OPRL1: variants seen among roughly 807,000 people sequenced by gnomAD.
OPRL1 encodes nociceptin receptor.
OPRL1 carries 5 observed loss-of-function variants against 15.5 expected under a neutral mutation model. That is an observed-to-expected ratio of 0.32 (90% CI 0.17 to 0.68). The LOEUF is 0.68. OPRL1 is among the 30% of genes least tolerant of loss of function. The pLI, the probability that OPRL1 is intolerant of heterozygous loss-of-function variation, is 0.72. For synonymous variants in OPRL1, 223 were observed against 230.2 expected (o/e 0.97, Z 0.28); for missense variants, 406 against 515.3 (o/e 0.79, Z 2.05).
chr20:64,099,472 C>T lies in OPRL1; in HGVS notation c.*673C>T, dbSNP rs1979582062. On this transcript the variant is annotated 3_prime_UTR_variant, in exon 5 of 5. Transcript: ENST00000336866. ...AGTGTCCAGGTGGGGGCTGGCAGTC[C>T]CTGGCTGCAGACCCCGAGCTGGCCC... 6.6e-6 allele frequency: 1 copy of T among 152,510 alleles called. No homozygotes were observed. The highest frequency in any genetic ancestry group is 6.5e-5 in the Admixed American group (1 of 15,296). 9.4% of individuals were successfully genotyped at this position (152,510 alleles called of 1,614,324 possible). A position where few individuals can be genotyped will look rare whatever the true frequency, so the allele number is the denominator to read the frequency against.
chr20:64,096,048 G>A (rs988172498), intron 3 of OPRL1, among the ~76,000 whole-genome samples: 3 of 152,134 alleles, frequency 2.0e-5, no homozygotes, highest in African/African-American at 4.8e-5. Context: ...AGGTTGCCTC[G>A]TGATGTGCAT....
chr20:64,088,613 GAGTGGCCA>G, intron 1 of OPRL1, among the ~76,000 whole-genome samples: 1 of 151,416 alleles, frequency 6.6e-6, no homozygotes, highest in Middle Eastern at 3.4e-3. Flanking sequence ...GATCTGTGCA[GAGTGGCCA>G]GGATCTGTGC....
At chr20:64,092,626 G>A (rs1601641473) in intron 2 of OPRL1, 62 bp from the exon 3 acceptor site, 6 of 1,351,260 alleles carry the variant, frequency 4.4e-6, no homozygotes, top group Non-Finnish European at 6.2e-6. Flanking sequence ...GTGCTGGGTT[G>A]TGAGGCCTCC....
intron 1 of OPRL1, among the ~76,000 whole-genome samples, chr20:64,086,878 G>A (rs1426266863): frequency 6.6e-6 from 1 of 152,184 alleles, no homozygotes; most frequent in Non-Finnish European, 1.5e-5. Flanking sequence ...TGAGCCTGTG[G>A]AAGGAGGAGG....
chr20:64,095,963 A>C (rs546700633), intron 3 of OPRL1, among the ~76,000 whole-genome samples: 2 of 152,160 alleles, frequency 1.3e-5, no homozygotes, highest in African/African-American at 4.8e-5. Context: ...TGTGCAGGTG[A>C]TGCGTGGTCA....
chr20:64,092,706 T>C lies in OPRL1; in HGVS notation c.-15T>C, dbSNP rs1978344381. ...GTCCCAGGTACCGTACAGAGTGGAT[T>C]TGCAGGGCAGTGGCATGGAGCCCCT... On this transcript the variant is annotated 5_prime_UTR_variant, in exon 3 of 5. Transcript: ENST00000336866. The C allele has an allele frequency of 1.9e-6, 3 of 1,609,960 alleles. No individual in the cohort carries two copies. The highest frequency in any genetic ancestry group is 2.5e-6 in the Non-Finnish European group (3 of 1,178,204).
chr20:64,081,937 C>G (rs1474564940), intron 1 of OPRL1, among the ~76,000 whole-genome samples: 2 of 152,176 alleles, frequency 1.3e-5, no homozygotes, highest in Non-Finnish European at 2.9e-5. Context: ...AGTGACCCAT[C>G]CCCTTTGGAG....
chr20:64,098,831 G>A lies in OPRL1; in HGVS notation c.*32G>A. 6.4e-7 allele frequency: 1 copy of A among 1,558,570 alleles called. No homozygotes were observed. Among genetic ancestry groups the A allele is most frequent in the Non-Finnish European group, 8.6e-7 (1 of 1,158,286 alleles). Reference sequence around the variant, plus strand: ...GTGGACCTGCCCATGGTGCCTGTCAGCCCGCAGAGCCCATCTACGCCCAAC... The same window carrying A: ...GTGGACCTGCCCATGGTGCCTGTCAACCCGCAGAGCCCATCTACGCCCAAC... On this transcript the variant is annotated 3_prime_UTR_variant, in exon 5 of 5. Coordinates refer to ENST00000336866, the MANE Select transcript of OPRL1 (RefSeq NM_182647.4).
rs2059996269 is a variant in OPRL1 at position 64,083,595 on chromosome 20, C to T, written c.-185+3243C>T. 4 of 1,493,138 alleles carry T rather than the reference C, an allele frequency of 2.7e-6. No homozygotes were observed. Among genetic ancestry groups the T allele is most frequent in the Non-Finnish European group, 3.6e-6 (4 of 1,121,588 alleles). The allele number at this position is 1,493,138 out of a possible 1,614,324, so 92.5% of individuals were successfully genotyped here. On this transcript the variant is annotated intron_variant, in intron 1 of 4. Transcript: ENST00000336866. The surrounding 1 kb of genome is among the most constrained non-coding windows in gnomAD (Gnocchi z 4.9). ...GGCTTGTCTGCACCTCTTGGCGGTCCAGGGGGTCCGGGATCCGCGCGGGCT... is the reference window on the plus strand; with the variant it reads ...GGCTTGTCTGCACCTCTTGGCGGTCTAGGGGGTCCGGGATCCGCGCGGGCT...
In OPRL1 at chr20:64,083,279, G is replaced by A; in HGVS notation, c.-185+2927G>A. ...TTTTTTGGGAGAGGCCCCACTCTCT[G>A]TACCCTGATGTCTGTGAGGTGCATG... On this transcript the variant is annotated intron_variant, in intron 1 of 4. Coordinates refer to ENST00000336866, the MANE Select transcript of OPRL1 (RefSeq NM_182647.4). This position sits in a 1 kb window ranked among gnomAD's most constrained non-coding sequence, Gnocchi z 4.9. The A allele has an allele frequency of 2.7e-6, 3 of 1,128,254 alleles. No homozygotes were observed. The South Asian group carries it at 4.4e-5, about 17-fold the overall frequency. The allele number at this position is 1,128,254 out of a possible 1,614,324, so 69.9% of individuals were successfully genotyped here.
At chr20:64,088,639 C>G (rs1601634366) in intron 1 of OPRL1, among the ~76,000 whole-genome samples, 19 of 150,620 alleles carry the variant, frequency 1.3e-4, no homozygotes, top group East Asian at 1.0e-3. Flanking sequence ...TGCAGAGTGG[C>G]CAGGATCTGT....
chr20:64,099,054 G>A lies in OPRL1; in HGVS notation c.*255G>A, dbSNP rs1192296308. On this transcript the variant is annotated 3_prime_UTR_variant, in exon 5 of 5. Coordinates refer to ENST00000336866, the MANE Select transcript of OPRL1 (RefSeq NM_182647.4). ...ACTAAAGCTGCCCTCCTGGTGCAGG[G>A]CCGAGGGGACACAAGGACCTACCTG... The A allele has an allele frequency of 3.9e-6, 2 of 517,430 alleles. No homozygotes were observed. The highest frequency in any genetic ancestry group is 6.7e-6 in the Non-Finnish European group (2 of 299,498). 32.1% of individuals were successfully genotyped at this position (517,430 alleles called of 1,614,324 possible). A position where few individuals can be genotyped will look rare whatever the true frequency, so the allele number is the denominator to read the frequency against.
chr20:64,099,085 A>G lies in OPRL1; in HGVS notation c.*286A>G. On this transcript the variant is annotated 3_prime_UTR_variant, in exon 5 of 5. Transcript: ENST00000336866. ...GGGACACAAGGACCTACCTGGAAGC[A>G]GCTGACATGCTGGTGGACGGCCGTG... The G allele has an allele frequency of 2.3e-6, 1 of 436,798 alleles. No homozygotes were observed. Among genetic ancestry groups the G allele is most frequent in the Non-Finnish European group, 4.0e-6 (1 of 248,434 alleles). The allele number at this position is 436,798 out of a possible 1,614,324, so 27.1% of individuals were successfully genotyped here. A position where few individuals can be genotyped will look rare whatever the true frequency, so the allele number is the denominator to read the frequency against.
chr20:64,093,132 C>T (rs1426551584), intron 3 of OPRL1, among the ~76,000 whole-genome samples, 179 bp downstream of exon 3: 1 of 151,796 alleles, frequency 6.6e-6, no homozygotes, highest in African/African-American at 2.4e-5. Context: ...TGCTCCCCTC[C>T]ACAGGGAGGG....
rs1569272459 is a variant in OPRL1 at position 64,089,475 on chromosome 20, GTCC to G, written c.-184-2486_-184-2484del. ...ACCTCGTCCCCCCTCCTTTCTTCCT[GTCC>G]TCCTATCCCCAGCGTGTTTTCCTCC... is the stretch of plus-strand genomic sequence containing the variant. On this transcript the variant is annotated intron_variant, in intron 1 of 4. Transcript: ENST00000336866. This position sits in a 1 kb window ranked among gnomAD's most constrained non-coding sequence, Gnocchi z 5.5. Among the ~76,000 whole-genome samples, 1 of 151,964 alleles carries G rather than the reference GTCC, an allele frequency of 6.6e-6. No homozygotes were observed. The highest frequency in any genetic ancestry group is 1.5e-5 in the Non-Finnish European group (1 of 67,972).
chr20:64,096,984 C>T (rs1979238525), intron 3 of OPRL1, among the ~76,000 whole-genome samples: 1 of 142,150 alleles, frequency 7.0e-6, no homozygotes, highest in African/African-American at 2.7e-5. Flanking sequence ...CCATCATCAC[C>T]ATCACCACTA....
rs2060100414 is a variant in OPRL1, at chr20:64,089,587, C to G, written c.-184-2379C>G. 6.6e-6 allele frequency among the ~76,000 whole-genome samples: 1 copy of G among 152,178 alleles called. No homozygotes were observed. The highest frequency in any genetic ancestry group is 2.1e-4 in the South Asian group (1 of 4,828). Reference sequence around the variant, plus strand: ...ACTCCTTTCCCTTTCCTCCTCCTCCCCATCCCAACCCCTCATCCTCCCTGT... The same window carrying G: ...ACTCCTTTCCCTTTCCTCCTCCTCCGCATCCCAACCCCTCATCCTCCCTGT... On this transcript the variant is annotated intron_variant, in intron 1 of 4. Coordinates refer to ENST00000336866, the MANE Select transcript of OPRL1 (RefSeq NM_182647.4). The surrounding 1 kb of genome is among the most constrained non-coding windows in gnomAD (Gnocchi z 5.5).
At chr20:64,085,867 T>A (rs1481301864) in intron 1 of OPRL1, among the ~76,000 whole-genome samples, 17 of 152,122 alleles carry the variant, frequency 1.1e-4, no homozygotes, top group Non-Finnish European at 8.8e-5. Flanking sequence ...AGAGGGTAAA[T>A]TTTGACATTC....
At chr20:64,095,862 G>A (rs1979055619) in intron 3 of OPRL1, among the ~76,000 whole-genome samples, 1 of 152,060 alleles carries the variant, frequency 6.6e-6, no homozygotes, top group Non-Finnish European at 1.5e-5. Context: ...CCTGAGAAAA[G>A]CTGTTCCCCT....
Sources: gnomAD v4.1 joint callset for allele counts (sites outside exome capture counted in the v4.1 genomes callset) on GRCh38, gnomAD v4.1.1 for gene constraint, Gnocchi (gnomAD v3.1) non-coding constraint, MANE v1.5 for transcripts, NCBI Gene and HGNC (gene_info 2026-07-23, HGNC 2026-07-21) for gene names.